The following TBC1D16 variants were observed in gnomAD, a reference collection of about 807,000 sequenced individuals.
The protein encoded by TBC1D16 is TBC1 domain family member 16, also known as CTD-2529O21.1.
A neutral mutation model predicts 74.7 loss-of-function variants in TBC1D16; 58 were observed. The ratio of observed to expected loss-of-function variants is 0.78; its 90% CI spans 0.63 to 0.97. The LOEUF (loss-of-function observed/expected upper bound fraction) is 0.97, where lower values mean the gene tolerates loss of function less well. Among genes scored for constraint, TBC1D16 ranks in the 50% least tolerant of loss-of-function variants. The pLI is 0.00. For synonymous variants in TBC1D16, 493 were observed against 474.7 expected (o/e 1.04, Z -0.50); for missense variants, 1,014 against 1,079.5 (o/e 0.94, Z 0.85).
Position 79,996,881 on chromosome 17 carries a change from CT to C in TBC1D16, c.779+13278del, listed in dbSNP as rs573189398. ...CTAGTAGCTTTATTCACAGTCGCCC[CT>C]GAATGGGAAGCCATGGTTCATGTCC... is the stretch of plus-strand genomic sequence containing the variant. On this transcript the variant is annotated intron_variant, in intron 3 of 11. Coordinates refer to ENST00000310924, the MANE Select transcript of TBC1D16 (RefSeq NM_019020.4). Among the ~76,000 whole-genome samples, 864 of 152,308 alleles carry C rather than the reference CT, an allele frequency of 5.7e-3. 5 individuals are homozygous for C. Among genetic ancestry groups the C allele is most frequent in the Non-Finnish European group, 8.4e-3 (569 of 68,028 alleles).
rs774105938 is a variant in TBC1D16 at position 79,935,682 on chromosome 17, G to C, written c.*5177C>G. The C allele has an allele frequency of 3.9e-5, 6 of 152,300 alleles. No individual in the cohort carries two copies. Among genetic ancestry groups the C allele is most frequent in the Non-Finnish European group, 7.3e-5 (5 of 68,084 alleles). 9.4% of individuals were successfully genotyped at this position (152,300 alleles called of 1,614,324 possible). On this transcript the variant is annotated 3_prime_UTR_variant, in exon 12 of 12. Transcript: ENST00000310924. ...GGAATCCATGAGAGCCGGAAGCATC[G>C]TTGGGGCCGTGGCTAGCAGAGCTCA...
At chr17:79,984,171 G>A (rs1333516849) in intron 3 of TBC1D16, among the ~76,000 whole-genome samples, 1 of 152,162 alleles carries the variant, frequency 6.6e-6, no homozygotes, top group Admixed American at 6.5e-5. Flanking sequence ...ACAGGCATCT[G>A]CCAGCACGCC....
Position 80,008,509 on chromosome 17 carries a change from G to T in TBC1D16, c.779+1651C>A, listed in dbSNP as rs143601331. 6.6e-6 allele frequency among the ~76,000 whole-genome samples: 1 copy of T among 152,050 alleles called. No individual in the cohort carries two copies. Among genetic ancestry groups the T allele is most frequent in the Non-Finnish European group, 1.5e-5 (1 of 68,000 alleles). ...GAGACACAACTGGGACCTTCCCCTC[G>T]CCTGGGCCCTGGGGATGCAGGGACA... On this transcript the variant is annotated intron_variant, in intron 3 of 11. Coordinates refer to ENST00000310924, the MANE Select transcript of TBC1D16 (RefSeq NM_019020.4). This position sits in a 1 kb window ranked among gnomAD's most constrained non-coding sequence, Gnocchi z 4.5.
intron 3 of TBC1D16, among the ~76,000 whole-genome samples, chr17:79,965,100 G>A (rs928349266): frequency 2.1e-4 from 32 of 150,814 alleles, no homozygotes; most frequent in African/African-American, 6.1e-4. Flanking sequence ...TTTTTGAGGC[G>A]GAGTCTTGCT....
In TBC1D16 at chr17:79,994,015, G is replaced by A. The variant is rs928275804; in HGVS notation, c.779+16145C>T. ...GGACAGCCCTCCTGATGCAGGGAGC[G>A]CCCATCCCTGGGGAGCACTGCCTCT... On this transcript the variant is annotated intron_variant, in intron 3 of 11. Coordinates refer to ENST00000310924, the MANE Select transcript of TBC1D16 (RefSeq NM_019020.4). This position sits in a 1 kb window ranked among gnomAD's most constrained non-coding sequence, Gnocchi z 4.6. Among the ~76,000 whole-genome samples the A allele has an allele frequency of 1.3e-5, 2 of 152,088 alleles. No individual in the cohort carries two copies. Among genetic ancestry groups the A allele is most frequent in the African/African-American group, 4.8e-5 (2 of 41,414 alleles).
Position 79,942,086 on chromosome 17 carries a change from T to C in TBC1D16, c.2029A>G (p.Met677Val), listed in dbSNP as rs1307661120. The C allele has an allele frequency of 6.2e-7, 1 of 1,612,338 alleles. No homozygotes were observed. The highest frequency in any genetic ancestry group is 8.5e-7 in the Non-Finnish European group (1 of 1,179,802). ...LLHFGNLAMHMNGELVLRKAR... is the reference protein window; with the variant it reads ...LLHFGNLAMHVNGELVLRKAR... ...TTCCGGAGAACGAGCTCCCCGTTCA[T>C]GTGCATGGCCAGGTTTCCGAAGTGC... The change falls in exon 11 of 12, where the codon ATG (methionine) becomes GTG (valine). Residue 677 changes from methionine (M) to valine (V), a missense_variant. Met to Val is a conservative substitution (Grantham distance 21). Transcript: ENST00000310924.
Position 79,971,761 on chromosome 17 carries a change from A to G in TBC1D16, c.780-18943T>C, listed in dbSNP as rs2034114989. Among the ~76,000 whole-genome samples, 1 of 152,092 alleles carries G rather than the reference A, an allele frequency of 6.6e-6. No individual in the cohort carries two copies. ...CATAGGAGGTGAGCTGAGGATGTGG[A>G]TAATTTGGACACCACTTGGACTGTG... On this transcript the variant is annotated intron_variant, in intron 3 of 11. Coordinates refer to ENST00000310924, the MANE Select transcript of TBC1D16 (RefSeq NM_019020.4). This position sits in a 1 kb window ranked among gnomAD's most constrained non-coding sequence, Gnocchi z 4.6.
Position 79,949,736 on chromosome 17 carries a change from A to C in TBC1D16, c.1387T>G (p.Ser463Ala). The part of the protein sequence containing the change: ...ALRLQKRKEY[S>A]EIQQKRLSMT... Reference sequence around the variant, plus strand: ...GGTTACCTTTTCTGCTGGATCTCAGAGTACTCCTTTCGCTTCTGCAGCCGC... The same window carrying C: ...GGTTACCTTTTCTGCTGGATCTCAGCGTACTCCTTTCGCTTCTGCAGCCGC... Residue 463 changes from serine (S) to alanine (A), a missense_variant, in exon 7 of 12, where the codon TCT (serine) becomes GCT (alanine). Physicochemically the swap from Ser to Ala is moderately conservative, Grantham distance 99 (BLOSUM62 1). Transcript: ENST00000310924. The C allele has an allele frequency of 6.2e-7, 1 of 1,612,536 alleles. No individual in the cohort carries two copies. Among genetic ancestry groups the C allele is most frequent in the Non-Finnish European group, 8.5e-7 (1 of 1,179,448 alleles).
chr17:79,949,973 G>A, intron 6 of TBC1D16, 108 bp from the exon 7 acceptor site: 7 of 1,338,634 alleles, frequency 5.2e-6, no homozygotes, highest in Non-Finnish European at 7.1e-6. Flanking sequence ...CCTTGATTCA[G>A]ATCTCTGCAA....
chr17:80,005,183 A>G (rs1175504980), intron 3 of TBC1D16, among the ~76,000 whole-genome samples: 1 of 152,216 alleles, frequency 6.6e-6, no homozygotes, highest in Non-Finnish European at 1.5e-5. Context: ...AGGCTCAAGC[A>G]GTCCTCCTGC....
chr17:80,006,841 TA>T (rs1207822009), intron 3 of TBC1D16, among the ~76,000 whole-genome samples: 1 of 152,076 alleles, frequency 6.6e-6, no homozygotes, highest in East Asian at 1.9e-4. Flanking sequence ...ATGTATTTTT[TA>T]TAGAGATGAG....
intron 3 of TBC1D16, chr17:79,992,428 G>A (rs1475010963): frequency 1.3e-5 from 2 of 152,288 alleles, no homozygotes; most frequent in Non-Finnish European, 2.9e-5. Context: ...GGGCCAGGGG[G>A]TGGGGTATCC....
rs1259127323 is a variant in TBC1D16 at position 79,944,283 on chromosome 17, A to G, written c.1908+625T>C. The stretch of plus-strand genomic sequence containing the variant: ...TGCGTCGATGTGAGTTTTTTTTTTA[A>G]AAGGCTGATGGACTCAAAGAGACTT... On this transcript the variant is annotated intron_variant, in intron 10 of 11. Transcript: ENST00000310924. The surrounding 1 kb of genome is among the most constrained non-coding windows in gnomAD (Gnocchi z 7.7). Among the ~76,000 whole-genome samples the G allele has an allele frequency of 1.1e-4, 17 of 152,048 alleles. No individual in the cohort carries two copies. The highest frequency in any genetic ancestry group is 1.1e-3 in the Admixed American group (17 of 15,280).
intron 3 of TBC1D16, among the ~76,000 whole-genome samples, chr17:79,978,101 G>A (rs933070195): frequency 2.0e-5 from 3 of 152,190 alleles, no homozygotes; most frequent in Admixed American, 6.5e-5. Flanking sequence ...CCATGGTCAC[G>A]GTCGAGCTCG....
At position 79,983,852 on chromosome 17, in the gene TBC1D16, T is replaced by C. The variant is rs1357136217; in HGVS notation, c.779+26308A>G. On this transcript the variant is annotated intron_variant, in intron 3 of 11. Coordinates refer to ENST00000310924, the MANE Select transcript of TBC1D16 (RefSeq NM_019020.4). The surrounding 1 kb of genome is among the most constrained non-coding windows in gnomAD (Gnocchi z 5.6). The stretch of plus-strand genomic sequence containing the variant: ...AATATTCTTTGGCATGTATCAAATA[T>C]GACAAAATTTAAAAAAAATTTAAAT... 6.6e-6 allele frequency among the ~76,000 whole-genome samples: 1 copy of C among 152,080 alleles called. No homozygotes were observed. The highest frequency in any genetic ancestry group is 1.5e-5 in the Non-Finnish European group (1 of 68,016).
Position 79,952,725 on chromosome 17 carries a change from G to A in TBC1D16, c.873C>T (p.Ala291=), listed in dbSNP as rs2033132808. The change falls in exon 4 of 12, where the codon GCC becomes GCT. Residue 291 remains alanine, a synonymous_variant. Transcript: ENST00000310924. ...PRWDEPQRVC[A]LEQICGVFRV... The stretch of plus-strand genomic sequence containing the variant: ...GGAACACGCCGCAAATCTGCTCCAG[G>A]GCGCACACCCGCTGCGGCTCGTCCC... The A allele has an allele frequency of 1.2e-6, 2 of 1,612,254 alleles. No individual in the cohort carries two copies. The highest frequency in any genetic ancestry group is 1.7e-5 in the Admixed American group (1 of 59,978).
At position 79,939,812 on chromosome 17, in the gene TBC1D16, A is replaced by G. The variant is rs113549611; in HGVS notation, c.*1047T>C. The G allele has an allele frequency of 1.3e-5, 2 of 152,306 alleles. No individual in the cohort carries two copies. Among genetic ancestry groups the G allele is most frequent in the African/African-American group, 4.8e-5 (2 of 41,548 alleles). The allele number at this position is 152,306 out of a possible 1,614,324, so 9.4% of individuals were successfully genotyped here. A position where few individuals can be genotyped will look rare whatever the true frequency, so the allele number is the denominator to read the frequency against. ...CGCTCTCACGTCCGACCACCTGAGA[A>G]GCTGACTTACATATCTGAGTTCACA... On this transcript the variant is annotated 3_prime_UTR_variant, in exon 12 of 12. Coordinates refer to ENST00000310924, the MANE Select transcript of TBC1D16 (RefSeq NM_019020.4).
At position 79,950,742 on chromosome 17, in the gene TBC1D16, T is replaced by C; in HGVS notation, c.1090-164A>G. The C allele has an allele frequency of 1.3e-6, 2 of 1,538,164 alleles. No individual in the cohort carries two copies. The highest frequency in any genetic ancestry group is 1.7e-6 in the Non-Finnish European group (2 of 1,146,516). ...AATGGCGAGTGTAATTAGGCGCAATTAAAATGAAAATACCTTCATCTTAAA... is the reference window on the plus strand; with the variant it reads ...AATGGCGAGTGTAATTAGGCGCAATCAAAATGAAAATACCTTCATCTTAAA... On this transcript the variant is annotated intron_variant, in intron 5 of 11. Transcript: ENST00000310924. The surrounding 1 kb of genome is among the most constrained non-coding windows in gnomAD (Gnocchi z 4.6).
At chr17:80,011,811 G>A (rs1469820146) in intron 2 of TBC1D16, among the ~76,000 whole-genome samples, 1 of 151,330 alleles carries the variant, frequency 6.6e-6, no homozygotes, top group Non-Finnish European at 1.5e-5. Flanking sequence ...GGATGACAGA[G>A]CGAGACTCCG....
Sources: allele counts gnomAD v4.1 joint callset (sites outside exome capture counted in the v4.1 genomes callset), GRCh38; gene constraint gnomAD v4.1.1; non-coding constraint Gnocchi (gnomAD v3.1); transcripts MANE v1.5; gene names NCBI Gene and HGNC (gene_info 2026-07-23, HGNC 2026-07-21).